The following JAKMIP1 variants were observed in gnomAD, a reference collection of about 807,000 sequenced individuals.
JAKMIP1 encodes the protein janus kinase and microtubule-interacting protein 1.
A neutral mutation model predicts 113.0 loss-of-function variants in JAKMIP1; 33 were observed. That is an observed-to-expected ratio of 0.29 (90% CI 0.22 to 0.39). The LOEUF is 0.39. JAKMIP1 is among the 10% of genes least tolerant of loss of function. The probability of loss-of-function intolerance (pLI) is 1.00; values close to 1 mark genes in which losing one functional copy is unlikely to be tolerated. For synonymous variants in JAKMIP1, 480 were observed against 459.9 expected, an observed-to-expected ratio of 1.04 and a Z score of -0.56; for missense variants, 813 against 1,080.5, an observed-to-expected ratio of 0.75 and a Z score of 3.47.
intron 1 of JAKMIP1, among the ~76,000 whole-genome samples, chr4:6,145,278 G>A (rs1302414093): frequency 6.6e-6 from 1 of 152,152 alleles, no homozygotes; most frequent in Non-Finnish European, 1.5e-5. Context: ...ATATTCACAA[G>A]AAATGGAGTT....
Position 6,049,896 on chromosome 4 carries a change from T to C in JAKMIP1, c.1909-24A>G. ...TCCTGGAAGAGATTTCCAACGTTCA[T>C]TTTTGTGTGAGCTACAGAGACCAAC... On this transcript the variant is annotated intron_variant, in intron 14 of 20. Transcript: ENST00000409021. This position sits in a 1 kb window ranked among gnomAD's most constrained non-coding sequence, Gnocchi z 7.0. 6.3e-7 allele frequency: 1 copy of C among 1,585,028 alleles called. No individual in the cohort carries two copies. The highest frequency in any genetic ancestry group is 8.7e-7 in the Non-Finnish European group (1 of 1,154,392).
chr4:6,103,291 T>C (rs1174509775), intron 3 of JAKMIP1, among the ~76,000 whole-genome samples: 1 of 152,206 alleles, frequency 6.6e-6, no homozygotes, highest in Non-Finnish European at 1.5e-5. Context: ...TTTTATCATA[T>C]TATTATGTTG....
At position 6,097,823 on chromosome 4, in the gene JAKMIP1, T is replaced by A. The variant is rs140920389; in HGVS notation, c.624+7650A>T. On this transcript the variant is annotated intron_variant, in intron 3 of 20. Coordinates refer to ENST00000409021, the MANE Select transcript of JAKMIP1 (RefSeq NM_001099433.2). This position sits in a 1 kb window ranked among gnomAD's most constrained non-coding sequence, Gnocchi z 4.3. ...CCTTAGGCAGCTTGGAGAAACGCAA[T>A]CTGGTTCCCTTGATCAAAAGCACCC... Among the ~76,000 whole-genome samples, 1 of 152,204 alleles carries A rather than the reference T, an allele frequency of 6.6e-6. No individual in the cohort carries two copies. The highest frequency in any genetic ancestry group is 1.9e-4 in the East Asian group (1 of 5,204).
At position 6,162,014 on chromosome 4, in the gene JAKMIP1, T is replaced by C. The variant is rs1297587350; in HGVS notation, c.-148+38239A>G. ...GTGTCTGCCTCACACCACGGGTACA[T>C]GGTGCCTCCTTGATGGAGCCGAGCA... On this transcript the variant is annotated intron_variant, in intron 1 of 20. Transcript: ENST00000409021. This position sits in a 1 kb window ranked among gnomAD's most constrained non-coding sequence, Gnocchi z 5.6. Among the ~76,000 whole-genome samples, 1 of 151,594 alleles carries C rather than the reference T, an allele frequency of 6.6e-6. No individual in the cohort carries two copies. Among genetic ancestry groups the C allele is most frequent in the East Asian group, 1.9e-4 (1 of 5,184 alleles).
Position 6,142,675 on chromosome 4 carries a change from T to C in JAKMIP1, c.-147-29678A>G, listed in dbSNP as rs1263420654. Among the ~76,000 whole-genome samples the C allele has an allele frequency of 6.6e-6, 1 of 152,160 alleles. No individual in the cohort carries two copies. The highest frequency in any genetic ancestry group is 2.4e-5 in the African/African-American group (1 of 41,444). ...GCCTCTGGACAGGCACAGCTCTGCT[T>C]CCCAGCCGCCACCCTGAGGTTTCCA... On this transcript the variant is annotated intron_variant, in intron 1 of 20. Transcript: ENST00000409021. This position sits in a 1 kb window ranked among gnomAD's most constrained non-coding sequence, Gnocchi z 5.5.
At chr4:6,027,413 G>A (rs1358027244) in intron 20 of JAKMIP1, among the ~76,000 whole-genome samples, 2 of 152,218 alleles carry the variant, frequency 1.3e-5, no homozygotes, top group African/African-American at 4.8e-5. Flanking sequence ...GGGAAACTGA[G>A]GCCTGGGAAG....
rs1721783976 is a variant in JAKMIP1 at position 6,089,750 on chromosome 4, C to A, written c.625-4121G>T. On this transcript the variant is annotated intron_variant, in intron 3 of 20. Transcript: ENST00000409021. This position sits in a 1 kb window ranked among gnomAD's most constrained non-coding sequence, Gnocchi z 5.3. The stretch of plus-strand genomic sequence containing the variant: ...GGGGAATCAAAGACTGAAGCAGAGG[C>A]CACTACCTCAACATCAATTCTCATT... Among the ~76,000 whole-genome samples the A allele has an allele frequency of 1.3e-5, 2 of 152,212 alleles. No individual in the cohort carries two copies. The highest frequency in any genetic ancestry group is 4.8e-5 in the African/African-American group (2 of 41,458).
In JAKMIP1 at chr4:6,105,722, G is replaced by C. The variant is rs765698852; in HGVS notation, c.375C>G (p.Ala125=). The change falls in exon 3 of 21, where the codon GCC becomes GCG. Residue 125 remains alanine (A), a synonymous_variant. Coordinates refer to ENST00000409021, the MANE Select transcript of JAKMIP1 (RefSeq NM_001099433.2). ...ATLNVLRDGA[A]DKVKTALLTE... ...TCAGCAGCGCCGTCTTGACCTTGTC[G>C]GCCGCGCCGTCGCGCAGCACGTTCA... The C allele has an allele frequency of 1.2e-5, 20 of 1,601,530 alleles. 1 individual carries two copies. In the South Asian group the frequency reaches 2.1e-4, roughly 17 times the overall value.
chr4:6,110,008 C>G (rs1246383814), intron 2 of JAKMIP1, among the ~76,000 whole-genome samples: 2 of 152,168 alleles, frequency 1.3e-5, no homozygotes, highest in African/African-American at 2.4e-5. Flanking sequence ...GTCCCAGAGG[C>G]AGGGAGGCAG....
chr4:6,125,733 C>T (rs1717371689), intron 1 of JAKMIP1, among the ~76,000 whole-genome samples: 1 of 104,536 alleles, frequency 9.6e-6, no homozygotes, highest in African/African-American at 3.5e-5. Flanking sequence ...CACACACACA[C>T]CATACCCACC....
intron 2 of JAKMIP1, among the ~76,000 whole-genome samples, chr4:6,109,860 A>T (rs756051294): frequency 6.6e-6 from 1 of 152,214 alleles, no homozygotes; most frequent in Non-Finnish European, 1.5e-5. Flanking sequence ...GTACCAGTCA[A>T]TAAGCACATT....
At chr4:6,115,220 C>A (rs954027672) in intron 1 of JAKMIP1, among the ~76,000 whole-genome samples, 3 of 152,016 alleles carry the variant, frequency 2.0e-5, no homozygotes, top group African/African-American at 7.3e-5. Flanking sequence ...ACCAGCCTGG[C>A]CAACATGATG....
chr4:6,119,655 G>A (rs1716413876), intron 1 of JAKMIP1, among the ~76,000 whole-genome samples: 1 of 152,210 alleles, frequency 6.6e-6, no homozygotes, highest in South Asian at 2.1e-4. Context: ...GTCTGAATAA[G>A]CCTTGCCTTG....
At chr4:6,120,758 G>A (rs1029535453) in intron 1 of JAKMIP1, among the ~76,000 whole-genome samples, 1 of 152,190 alleles carries the variant, frequency 6.6e-6, no homozygotes, top group African/African-American at 2.4e-5. Context: ...TCACACCCCA[G>A]GCCAGCTTCA....
At position 6,167,080 on chromosome 4, in the gene JAKMIP1, G is replaced by A. The variant is rs563723288; in HGVS notation, c.-148+33173C>T. 6.6e-6 allele frequency among the ~76,000 whole-genome samples: 1 copy of A among 152,082 alleles called. No homozygotes were observed. The highest frequency in any genetic ancestry group is 2.4e-5 in the African/African-American group (1 of 41,414). ...ACTTGGAACAGTGCCTGGTGCGTAG[G>A]GGGTACTCAGGGTGGGCTGCTGGTA... On this transcript the variant is annotated intron_variant, in intron 1 of 20. Coordinates refer to ENST00000409021, the MANE Select transcript of JAKMIP1 (RefSeq NM_001099433.2). This position sits in a 1 kb window ranked among gnomAD's most constrained non-coding sequence, Gnocchi z 5.3.
rs753975251 is a variant in JAKMIP1, at chr4:6,062,366, G to A, written c.1506C>T (p.Tyr502=). 46 of 1,613,688 alleles carry A rather than the reference G, an allele frequency of 2.9e-5. No homozygotes were observed. Among genetic ancestry groups the A allele is most frequent in the African/African-American group, 2.7e-4 (20 of 75,078 alleles). ...CTCCCACCTGCTCCTGGAGCAGGGC[G>A]TAGGCGCGTTGCAGGGCCTGGTACT... ...TREYQALQRA[Y]ALLQEQVGGT... Residue 502 remains tyrosine, a synonymous_variant, in exon 10 of 21, where the codon TAC becomes TAT. Coordinates refer to ENST00000409021, the MANE Select transcript of JAKMIP1 (RefSeq NM_001099433.2).
rs1426024434 is a variant in JAKMIP1 at position 6,035,897 on chromosome 4, C to T, written c.2379+7G>A. ...GTGCTGTGGGCACAGCCGCTGTTGCCGCCTACCTGCTGGGCCTGCTGCAGC... is the reference window on the plus strand; with the variant it reads ...GTGCTGTGGGCACAGCCGCTGTTGCTGCCTACCTGCTGGGCCTGCTGCAGC... On this transcript the variant is annotated splice_region_variant and intron_variant, in intron 19 of 20. Coordinates refer to ENST00000409021, the MANE Select transcript of JAKMIP1 (RefSeq NM_001099433.2). The T allele has an allele frequency of 6.5e-6, 10 of 1,546,196 alleles. No homozygotes were observed. Among genetic ancestry groups the T allele is most frequent in the African/African-American group, 2.7e-5 (2 of 73,120 alleles).
Position 6,184,733 on chromosome 4 carries a change from G to A in JAKMIP1, c.-148+15520C>T, listed in dbSNP as rs553164216. Among the ~76,000 whole-genome samples the A allele has an allele frequency of 6.6e-6, 1 of 152,184 alleles. No individual in the cohort carries two copies. The highest frequency in any genetic ancestry group is 2.4e-5 in the African/African-American group (1 of 41,448). ...AGAATGCATAACTACAGGATAAGTG[G>A]AGTGATGGTTAATATTGAGTGTCAA... On this transcript the variant is annotated intron_variant, in intron 1 of 20. Coordinates refer to ENST00000409021, the MANE Select transcript of JAKMIP1 (RefSeq NM_001099433.2). This position sits in a 1 kb window ranked among gnomAD's most constrained non-coding sequence, Gnocchi z 4.5.
chr4:6,050,526 C>A lies in JAKMIP1; in HGVS notation c.1908+52G>T, dbSNP rs556971458. On this transcript the variant is annotated intron_variant, in intron 14 of 20. Coordinates refer to ENST00000409021, the MANE Select transcript of JAKMIP1 (RefSeq NM_001099433.2). This position sits in a 1 kb window ranked among gnomAD's most constrained non-coding sequence, Gnocchi z 7.4. ...TCCCCCTTTGCAGCTGAGCCGGGCA[C>A]TGAGCGAGCCCTTGGCTGGCATTCA... 7.3e-4 allele frequency: 967 copies of A among 1,324,056 alleles called. No individual in the cohort carries two copies. Among genetic ancestry groups the A allele is most frequent in the Non-Finnish European group, 9.3e-4 (882 of 943,782 alleles). 82.0% of individuals were successfully genotyped at this position (1,324,056 alleles called of 1,614,324 possible). A position where few individuals can be genotyped will look rare whatever the true frequency, so the allele number is the denominator to read the frequency against.
Sources: gnomAD v4.1 joint callset for allele counts (sites outside exome capture counted in the v4.1 genomes callset) on GRCh38, gnomAD v4.1.1 for gene constraint, Gnocchi (gnomAD v3.1) non-coding constraint, MANE v1.5 for transcripts, NCBI Gene and HGNC (gene_info 2026-07-23, HGNC 2026-07-21) for gene names.